ZCCHC7: variants seen among roughly 807,000 people sequenced by gnomAD.
ZCCHC7 encodes the protein zinc finger CCHC-type containing 7, also known as zinc finger CCHC domain-containing protein 7.
In ZCCHC7, 35 loss-of-function variants were observed where a neutral mutation model predicts 52.0. That is an observed-to-expected ratio of 0.67 (90% CI 0.51 to 0.89). ZCCHC7 has a LOEUF of 0.89. Ranked by LOEUF, ZCCHC7 falls within the 40% of genes least tolerant of loss-of-function variation. ZCCHC7 has a pLI of 0.00. For synonymous variants in ZCCHC7, 217 were observed against 221.5 expected (o/e 0.98, Z 0.18); for missense variants, 574 against 649.1 (o/e 0.88, Z 1.26).
chr9:37,198,577 A>G (rs1033682460), intron 2 of ZCCHC7, among the ~76,000 whole-genome samples: 1 of 152,194 alleles, frequency 6.6e-6, no homozygotes, highest in African/African-American at 2.4e-5. Flanking sequence ...TCTAGAGTCT[A>G]TGAGGAATTA....
At position 37,357,115 on chromosome 9, in the gene ZCCHC7, GC is replaced by G; in HGVS notation, c.1482del (p.His496ThrfsTer55). The G allele has an allele frequency of 6.2e-7, 1 of 1,613,680 alleles. No homozygotes were observed. The highest frequency in any genetic ancestry group is 8.5e-7 in the Non-Finnish European group (1 of 1,179,962). ...GSFKTQKPSK[P>X]FHRSSHYHTS... ...GTTTTAAAACCCAGAAGCCTTCTAA[GC>G]CCTTTCACCGTTCATCACATTACCA... On this transcript the variant is annotated frameshift_variant, in exon 9 of 9. Transcript: ENST00000336755. LOFTEE classifies it low-confidence loss of function (END_TRUNC).
At chr9:37,125,652 T>G (rs1451187436) in intron 1 of ZCCHC7, among the ~76,000 whole-genome samples, 6 of 152,218 alleles carry the variant, frequency 3.9e-5, no homozygotes, top group Non-Finnish European at 8.8e-5. Context: ...AGATGAAGAA[T>G]GGATAGGATA....
chr9:37,313,115 A>T (rs1829666827), intron 5 of ZCCHC7, among the ~76,000 whole-genome samples: 1 of 152,236 alleles, frequency 6.6e-6, no homozygotes, highest in African/African-American at 2.4e-5. Context: ...CTTTGGAAAT[A>T]GGAAAATCAG....
intron 2 of ZCCHC7, among the ~76,000 whole-genome samples, chr9:37,139,113 A>G (rs946818810): frequency 6.6e-6 from 1 of 152,016 alleles, no homozygotes; most frequent in Non-Finnish European, 1.5e-5. Context: ...AATCTCTTAT[A>G]AATGCTTCCT....
chr9:37,320,885 A>G (rs1231648850), intron 5 of ZCCHC7, among the ~76,000 whole-genome samples: 1 of 152,160 alleles, frequency 6.6e-6, no homozygotes, highest in Non-Finnish European at 1.5e-5. Context: ...AATGTAGTTA[A>G]CTAAGGTGAA....
At chr9:37,141,354 G>A (rs1032018843) in intron 2 of ZCCHC7, among the ~76,000 whole-genome samples, 4 of 151,090 alleles carry the variant, frequency 2.6e-5, no homozygotes, top group Admixed American at 1.3e-4. Flanking sequence ...CCATCTATTT[G>A]TGTGTTCTTT....
At chr9:37,346,020 G>A (rs1304772917) in intron 6 of ZCCHC7, among the ~76,000 whole-genome samples, 8 of 150,996 alleles carry the variant, frequency 5.3e-5, no homozygotes, top group Non-Finnish European at 1.5e-5. Context: ...TTTGTTTTTT[G>A]CGACAGAGTT....
At chr9:37,167,709 C>T (rs1344527753) in intron 2 of ZCCHC7, among the ~76,000 whole-genome samples, 1 of 152,156 alleles carries the variant, frequency 6.6e-6, no homozygotes, top group African/African-American at 2.4e-5. Context: ...CAAGAAATGG[C>T]TTAATCCTTT....
intron 2 of ZCCHC7, among the ~76,000 whole-genome samples, chr9:37,149,845 A>G (rs1843605461): frequency 6.6e-6 from 1 of 152,178 alleles, no homozygotes; most frequent in Non-Finnish European, 1.5e-5. Context: ...TTTTGTTTTG[A>G]GCAATTACAA....
intron 2 of ZCCHC7, among the ~76,000 whole-genome samples, chr9:37,199,667 TCTTTC>T (rs1249831440): frequency 8.8e-4 from 110 of 124,298 alleles, no homozygotes; most frequent in African/African-American, 2.4e-3. Context: ...TGTCTGTCTG[TCTTTC>T]TCTCTGTCTG....
At chr9:37,287,574 A>T (rs1051872039) in intron 2 of ZCCHC7, among the ~76,000 whole-genome samples, 5 of 152,192 alleles carry the variant, frequency 3.3e-5, no homozygotes, top group African/African-American at 1.2e-4. Flanking sequence ...ACGGTAACAG[A>T]GGCCAAGACT....
chr9:37,339,937 C>A (rs575787919), intron 6 of ZCCHC7, among the ~76,000 whole-genome samples: 1 of 152,242 alleles, frequency 6.6e-6, no homozygotes, highest in Admixed American at 6.6e-5. Flanking sequence ...AGATGCCCAG[C>A]AGGTTCATTT....
At chr9:37,184,781 G>C (rs1275102271) in intron 2 of ZCCHC7, among the ~76,000 whole-genome samples, 1 of 152,130 alleles carries the variant, frequency 6.6e-6, no homozygotes, top group Non-Finnish European at 1.5e-5. Flanking sequence ...GTAGTCACTT[G>C]CATGACTGTT....
intron 2 of ZCCHC7, among the ~76,000 whole-genome samples, chr9:37,186,415 C>A (rs942047559): frequency 6.6e-6 from 1 of 152,044 alleles, no homozygotes; most frequent in Non-Finnish European, 1.5e-5. Context: ...TCCAAAGTAA[C>A]AAGATTCTCA....
chr9:37,296,916 T>TGC (rs1010588734), intron 2 of ZCCHC7, among the ~76,000 whole-genome samples: 1 of 151,292 alleles, frequency 6.6e-6, no homozygotes, highest in Non-Finnish European at 1.5e-5. Flanking sequence ...TGTGTGTGTG[T>TGC]GTGTGTGTGT....
At chr9:37,331,134 T>A (rs1479387516) in intron 6 of ZCCHC7, among the ~76,000 whole-genome samples, 1 of 151,662 alleles carries the variant, frequency 6.6e-6, no homozygotes, top group African/African-American at 2.4e-5. Context: ...AATGTAACTG[T>A]TTTAGAAGAA....
At chr9:37,151,221 C>T (rs2132834320) in intron 2 of ZCCHC7, among the ~76,000 whole-genome samples, 1 of 152,164 alleles carries the variant, frequency 6.6e-6, no homozygotes, top group South Asian at 2.1e-4. Flanking sequence ...CCGCCTCGGC[C>T]TCCCAAAGTG....
intron 2 of ZCCHC7, among the ~76,000 whole-genome samples, chr9:37,149,500 TAG>T (rs958944108): frequency 6.6e-6 from 1 of 152,130 alleles, no homozygotes; most frequent in Non-Finnish European, 1.5e-5. Flanking sequence ...TTCAATTCCT[TAG>T]ACATTTTTTG....
chr9:37,273,772 T>G (rs1458963342), intron 2 of ZCCHC7, among the ~76,000 whole-genome samples: 1 of 152,242 alleles, frequency 6.6e-6, no homozygotes, highest in Admixed American at 6.5e-5. Flanking sequence ...TATTGAATCT[T>G]GCATATTTTT....
Sources: gnomAD v4.1 joint callset for allele counts (sites outside exome capture counted in the v4.1 genomes callset) on GRCh38, gnomAD v4.1.1 for gene constraint, MANE v1.5 for transcripts, NCBI Gene and HGNC (gene_info 2026-07-23, HGNC 2026-07-21) for gene names.